The following UBA6 variants were observed in gnomAD, a reference collection of about 807,000 sequenced individuals.
The protein encoded by UBA6 is ubiquitin like modifier activating enzyme 6, also known as ubiquitin-like modifier-activating enzyme 6.
UBA6 carries 87 observed loss-of-function variants against 148.3 expected under a neutral mutation model. The observed-to-expected ratio is 0.59, with a 90% CI of 0.49 to 0.70. The LOEUF (loss-of-function observed/expected upper bound fraction) is 0.70, where lower values mean the gene tolerates loss of function less well. UBA6 is among the 30% of genes least tolerant of loss of function. The probability of loss-of-function intolerance (pLI) is 0.00; values close to 1 mark genes in which losing one functional copy is unlikely to be tolerated. For missense variants in UBA6, 1,186 were observed against 1,241.2 expected (o/e 0.96, Z 0.67); for synonymous variants, 376 against 401.0 (o/e 0.94, Z 0.75).
intron 27 of UBA6, 151 bp from the exon 28 acceptor site, chr4:67,626,628 G>A (rs984382450): frequency 5.3e-5 from 31 of 582,784 alleles, no homozygotes; most frequent in African/African-American, 1.1e-4. Flanking sequence ...TATTTTATAC[G>A]TTCCTTTAGA....
At chr4:67,640,871 C>T (rs551972176) in intron 18 of UBA6, among the ~76,000 whole-genome samples, 1 of 152,248 alleles carries the variant, frequency 6.6e-6, no homozygotes, top group South Asian at 2.1e-4. Flanking sequence ...CTATATACTT[C>T]CTTTCTAAAA....
chr4:67,697,016 C>CT (rs963077757), intron 1 of UBA6, among the ~76,000 whole-genome samples: 2 of 151,700 alleles, frequency 1.3e-5, no homozygotes, highest in Non-Finnish European at 2.9e-5. Flanking sequence ...TGTTTGTTTT[C>CT]TTTTTTGAGA....
intron 2 of UBA6, among the ~76,000 whole-genome samples, chr4:67,693,987 G>C (rs1730762451): frequency 6.6e-6 from 1 of 151,698 alleles, no homozygotes; most frequent in Non-Finnish European, 1.5e-5. Context: ...AGCCAAGGTG[G>C]GCAGATCATG....
intron 23 of UBA6, 108 bp downstream of exon 23, chr4:67,633,237 A>T: frequency 1.0e-6 from 1 of 996,590 alleles, no homozygotes; most frequent in East Asian, 2.7e-5. Flanking sequence ...ATTTCTGAAA[A>T]GCTTGCCAAA....
intron 23 of UBA6, among the ~76,000 whole-genome samples, chr4:67,632,579 T>C (rs1729024323): frequency 6.6e-6 from 1 of 152,188 alleles, no homozygotes; most frequent in African/African-American, 2.4e-5. Context: ...TTAAGAACAA[T>C]CTGAAGAGTA....
intron 17 of UBA6, among the ~76,000 whole-genome samples, chr4:67,642,195 TTG>T: frequency 6.6e-6 from 1 of 152,206 alleles, no homozygotes; most frequent in Non-Finnish European, 1.5e-5. Context: ...TATTTTTGCC[TTG>T]TACTGGACTG....
chr4:67,624,964 G>T, intron 29 of UBA6, 30 bp downstream of exon 29: 1 of 1,551,874 alleles, frequency 6.4e-7, no homozygotes, highest in Non-Finnish European at 8.8e-7. Context: ...TGAAAAAGGA[G>T]CATTTTTATT....
chr4:67,641,712 A>C (rs1402427291), intron 17 of UBA6, among the ~76,000 whole-genome samples: 2 of 152,246 alleles, frequency 1.3e-5, no homozygotes, highest in African/African-American at 4.8e-5. Context: ...TTTTGTAACT[A>C]AAGTTTTATT....
chr4:67,644,267 ACTT>A (rs1392473059), intron 17 of UBA6, among the ~76,000 whole-genome samples: 3 of 152,102 alleles, frequency 2.0e-5, no homozygotes, highest in Non-Finnish European at 4.4e-5. Context: ...TTTTCCCACT[ACTT>A]TTAATACTCT....
At position 67,635,486 on chromosome 4, in the gene UBA6, A is replaced by G; in HGVS notation, c.1809T>C (p.Ile603=). 1 of 1,611,592 alleles carries G rather than the reference A, an allele frequency of 6.2e-7. No homozygotes were observed. Among genetic ancestry groups the G allele is most frequent in the Non-Finnish European group, 8.5e-7 (1 of 1,177,914 alleles). ...TMGTKGHTEV[I]VPHLTESYNS... is the part of the protein sequence containing the mutation. Reference sequence around the variant, plus strand: ...TGTAAGACTCAGTCAAATGCGGTACAATAACTTCAGTGTGTCCCTTAGTGC... The same window carrying G: ...TGTAAGACTCAGTCAAATGCGGTACGATAACTTCAGTGTGTCCCTTAGTGC... The change falls in exon 20 of 33, where the codon ATT becomes ATC. Residue 603 remains isoleucine (I), a synonymous_variant. Coordinates refer to ENST00000322244, the MANE Select transcript of UBA6 (RefSeq NM_018227.6).
At chr4:67,654,302 C>T (rs1460262171) in intron 13 of UBA6, among the ~76,000 whole-genome samples, 3 of 152,088 alleles carry the variant, frequency 2.0e-5, no homozygotes, top group Non-Finnish European at 4.4e-5. Flanking sequence ...ATTGGGTTAC[C>T]CACAAAGGGA....
intron 1 of UBA6, among the ~76,000 whole-genome samples, chr4:67,700,564 G>T (rs1215929937): frequency 6.6e-6 from 1 of 151,512 alleles, no homozygotes. Flanking sequence ...GTCAACAAAG[G>T]CCTCAGGGTG....
intron 7 of UBA6, 113 bp from the exon 8 acceptor site, chr4:67,670,705 C>T: frequency 2.6e-6 from 2 of 774,536 alleles, no homozygotes; most frequent in Admixed American, 5.0e-5. Context: ...CTTACACAAC[C>T]TATAGAATAC....
At chr4:67,676,122 C>T (rs1410139866) in intron 6 of UBA6, among the ~76,000 whole-genome samples, 1 of 148,554 alleles carries the variant, frequency 6.7e-6, no homozygotes, top group Admixed American at 6.8e-5. Flanking sequence ...CTCCCGGGTT[C>T]AAGCGATTCT....
Position 67,700,530 on chromosome 4 carries a change from CT to C in UBA6, c.71+518del, listed in dbSNP as rs113286394. Among the ~76,000 whole-genome samples the C allele has an allele frequency of 3.5e-4, 44 of 123,984 alleles. 1 individual carries two copies. The highest frequency in any genetic ancestry group is 1.8e-3 in the East Asian group (8 of 4,488). 81.3% of individuals were successfully genotyped at this position (123,984 alleles called of 152,430 possible). On this transcript the variant is annotated intron_variant, in intron 1 of 32. Transcript: ENST00000322244. Reference sequence around the variant, plus strand: ...TAACTTGTGTATTTTTTTTTCCTGGCTTTTTTTTTTTCCTTCTTCCGAAGTC... The same window carrying C: ...TAACTTGTGTATTTTTTTTTCCTGGCTTTTTTTTTTCCTTCTTCCGAAGTC...
Position 67,630,462 on chromosome 4 carries a change from T to G in UBA6, c.2328+4A>C. On this transcript the variant is annotated splice_donor_region_variant and intron_variant, in intron 26 of 32. Coordinates refer to ENST00000322244, the MANE Select transcript of UBA6 (RefSeq NM_018227.6). Reference sequence around the variant, plus strand: ...CACTTGCTAAGGCTTAAAGAATATCTTACCTCTTCTGCAAATGGAATACAA... The same window carrying G: ...CACTTGCTAAGGCTTAAAGAATATCGTACCTCTTCTGCAAATGGAATACAA... The G allele has an allele frequency of 6.3e-7, 1 of 1,580,190 alleles. No homozygotes were observed. The highest frequency in any genetic ancestry group is 8.6e-7 in the Non-Finnish European group (1 of 1,161,086).
chr4:67,616,951 C>T lies in UBA6; in HGVS notation c.*2046G>A, dbSNP rs559910481. ...ATAAAATAATGGGAATTATCATTAA[C>T]TTCACCCTGGCTTTCTAGCTTAGTA... is the stretch of plus-strand genomic sequence containing the variant. On this transcript the variant is annotated 3_prime_UTR_variant, in exon 33 of 33. Transcript: ENST00000322244. 1.8e-4 allele frequency: 28 copies of T among 152,184 alleles called. No homozygotes were observed. The highest frequency in any genetic ancestry group is 6.5e-4 in the African/African-American group (27 of 41,560). The allele number at this position is 152,184 out of a possible 1,614,324, so 9.4% of individuals were successfully genotyped here. A position where few individuals can be genotyped will look rare whatever the true frequency, so the allele number is the denominator to read the frequency against.
intron 17 of UBA6, 95 bp from the exon 18 acceptor site, chr4:67,641,323 T>C (rs1165524680): frequency 1.6e-5 from 12 of 736,704 alleles, no homozygotes; most frequent in Non-Finnish European, 2.7e-5. Flanking sequence ...TGACAAATTA[T>C]TCTAAATTAG....
chr4:67,647,525 A>G (rs1729447248), intron 14 of UBA6, among the ~76,000 whole-genome samples: 1 of 152,142 alleles, frequency 6.6e-6, no homozygotes, highest in Admixed American at 6.5e-5. Flanking sequence ...ATAATTATAC[A>G]TACTATGTGT....
Sources: gnomAD v4.1 joint callset for allele counts (sites outside exome capture counted in the v4.1 genomes callset) on GRCh38, gnomAD v4.1.1 for gene constraint, MANE v1.5 for transcripts, NCBI Gene and HGNC (gene_info 2026-07-23, HGNC 2026-07-21) for gene names.